ZNF721: variants seen among roughly 807,000 people sequenced by gnomAD.
ZNF721 encodes the protein zinc finger protein 721.
A neutral mutation model predicts 2.4 loss-of-function variants in ZNF721; 2 were observed. That is an observed-to-expected ratio of 0.82 (90% CI 0.34 to 2.58). The LOEUF (loss-of-function observed/expected upper bound fraction) is 2.58, where lower values mean the gene tolerates loss of function less well. Ranked by LOEUF, ZNF721 falls within the 30% of genes most tolerant of loss-of-function variation. ZNF721 has a pLI of 0.11. For missense variants in ZNF721, 1,187 were observed against 1,085.5 expected, an observed-to-expected ratio of 1.09 and a Z score of -1.31; for synonymous variants, 398 against 381.8, an observed-to-expected ratio of 1.04 and a Z score of -0.50.
At chr4:445,637 C>G (rs1371950941) in intron 2 of ZNF721, among the ~76,000 whole-genome samples, 3 of 151,556 alleles carry the variant, frequency 2.0e-5, no homozygotes, top group Non-Finnish European at 4.4e-5. Context: ...TAAATGTAAT[C>G]AGAAAAATCA....
intron 1 of ZNF721, among the ~76,000 whole-genome samples, chr4:477,528 G>A (rs1353245676): frequency 2.0e-5 from 3 of 152,066 alleles, no homozygotes; most frequent in Non-Finnish European, 2.9e-5. Context: ...ATGAGCCACC[G>A]TGCCCGGCGC....
At chr4:472,227 G>GT (rs1427733536) in intron 2 of ZNF721, among the ~76,000 whole-genome samples, 3 of 152,036 alleles carry the variant, frequency 2.0e-5, no homozygotes, top group Non-Finnish European at 4.4e-5. Flanking sequence ...TGCCCAGCTA[G>GT]TTTTTTGTAT....
chr4:474,648 G>T (rs1242451502), intron 1 of ZNF721, among the ~76,000 whole-genome samples: 1 of 152,180 alleles, frequency 6.6e-6, no homozygotes, highest in Non-Finnish European at 1.5e-5. Flanking sequence ...AGGCCGAGGT[G>T]GGGGGATCAC....
chr4:442,860 T>C lies in ZNF721; in HGVS notation c.1607A>G (p.Lys536Arg). Residue 536 changes from lysine to arginine, a missense_variant, in exon 3 of 3, where the codon AAA becomes AGA. Lys to Arg is a conservative substitution (Grantham distance 26). Coordinates refer to ENST00000511833, the MANE Select transcript of ZNF721 (RefSeq NM_133474.4). ...EKPYTCEVCG[K>R]AFRQSAILYV... ...AAGGATTGCGGACTGTCTAAAGGCT[T>C]TGCCACATACTTCACATGTGTAGGG... 1 of 1,613,900 alleles carries C rather than the reference T, an allele frequency of 6.2e-7. No homozygotes were observed.
At chr4:447,997 A>G (rs1286546998) in intron 2 of ZNF721, among the ~76,000 whole-genome samples, 1 of 152,216 alleles carries the variant, frequency 6.6e-6, no homozygotes, top group Middle Eastern at 3.2e-3. Context: ...TTCTATAAAG[A>G]ATAATGAAAC....
intron 1 of ZNF721, among the ~76,000 whole-genome samples, chr4:479,282 C>T (rs1715715355): frequency 6.6e-6 from 1 of 152,136 alleles, no homozygotes; most frequent in South Asian, 2.1e-4. Context: ...ATTGGATCTT[C>T]TGACTTCCTT....
chr4:481,575 CTTTTT>C (rs77613258), intron 1 of ZNF721, among the ~76,000 whole-genome samples: 1 of 142,834 alleles, frequency 7.0e-6, no homozygotes, highest in African/African-American at 2.6e-5. Flanking sequence ...TCTTTTCTTT[CTTTTT>C]TTTTTTTTTT....
At chr4:490,895 A>T (rs1716003605) in intron 1 of ZNF721, among the ~76,000 whole-genome samples, 1 of 151,474 alleles carries the variant, frequency 6.6e-6, no homozygotes, top group Non-Finnish European at 1.5e-5. Flanking sequence ...TGGAGGTTGC[A>T]GTGAGCCAAG....
chr4:450,033 G>C (rs1714601027), intron 2 of ZNF721, among the ~76,000 whole-genome samples: 1 of 152,178 alleles, frequency 6.6e-6, no homozygotes, highest in African/African-American at 2.4e-5. Flanking sequence ...TTTTAACACT[G>C]TTTCTTTGAC....
rs200903099 is a variant in ZNF721 at position 498,729 on chromosome 4, T to TTC, written c.-94+326_-94+327insGA. Among the ~76,000 whole-genome samples, 1,314 of 148,172 alleles carry TTC rather than the reference T, an allele frequency of 8.9e-3. 18 individuals carry two copies. The highest frequency in any genetic ancestry group is 0.031 in the African/African-American group (1,249 of 40,330). ...CTGAGGTATTGGGTTGAATTTTCTT[T>TTC]TTTTTTTTTTTTTTGAGACGCAGTC... On this transcript the variant is annotated intron_variant, in intron 1 of 2. Coordinates refer to ENST00000511833, the MANE Select transcript of ZNF721 (RefSeq NM_133474.4).
chr4:460,707 C>G (rs1366215529), intron 2 of ZNF721, among the ~76,000 whole-genome samples: 2 of 149,934 alleles, frequency 1.3e-5, no homozygotes, highest in Admixed American at 1.3e-4. Context: ...ACTAGCAACA[C>G]TACCAAAGAA....
intron 2 of ZNF721, 146 bp from the exon 3 acceptor site, chr4:444,578 A>T (rs1714409985): frequency 1.2e-6 from 1 of 857,494 alleles, no homozygotes. Context: ...ACATGTAACA[A>T]ACATATGGTG....
At chr4:497,855 G>A (rs1255588292) in intron 1 of ZNF721, among the ~76,000 whole-genome samples, 1 of 151,612 alleles carries the variant, frequency 6.6e-6, no homozygotes, top group Non-Finnish European at 1.5e-5. Flanking sequence ...CGGAGATGGT[G>A]CCACTGCACT....
At chr4:467,331 CTT>C (rs1389889923) in intron 2 of ZNF721, among the ~76,000 whole-genome samples, 2 of 152,086 alleles carry the variant, frequency 1.3e-5, no homozygotes, top group Non-Finnish European at 2.9e-5. Flanking sequence ...AAGGATAAAT[CTT>C]AAAGCCATTA....
intron 1 of ZNF721, among the ~76,000 whole-genome samples, chr4:497,732 C>CCAAA (rs1553872716): frequency 0.036 from 4,476 of 123,920 alleles, 108 homozygotes; most frequent in Non-Finnish European, 0.055. Context: ...CTAAAAAATA[C>CCAAA]AAAAAAAAAA....
rs2108686295 is a variant in ZNF721 at position 440,869 on chromosome 4, T to C, written c.*826A>G. 6.6e-6 allele frequency: 1 copy of C among 152,404 alleles called. No homozygotes were observed. The highest frequency in any genetic ancestry group is 2.4e-5 in the African/African-American group (1 of 41,588). 9.4% of individuals were successfully genotyped at this position (152,404 alleles called of 1,614,324 possible). A position where few individuals can be genotyped will look rare whatever the true frequency, so the allele number is the denominator to read the frequency against. On this transcript the variant is annotated 3_prime_UTR_variant, in exon 3 of 3. Transcript: ENST00000511833. ...TTAGTACAGACGAGGTTTCTCCATATTGGTCAGGCTGTCCTTGAACTCCCG... is the reference window on the plus strand; with the variant it reads ...TTAGTACAGACGAGGTTTCTCCATACTGGTCAGGCTGTCCTTGAACTCCCG...
At chr4:464,620 TGAAG>T (rs1553866503) in intron 2 of ZNF721, among the ~76,000 whole-genome samples, 1 of 152,104 alleles carries the variant, frequency 6.6e-6, no homozygotes. Flanking sequence ...AATAGTGTGT[TGAAG>T]GGAGTAAAAC....
At chr4:451,581 T>C (rs1714662588) in intron 2 of ZNF721, among the ~76,000 whole-genome samples, 1 of 152,228 alleles carries the variant, frequency 6.6e-6, no homozygotes, top group Non-Finnish European at 1.5e-5. Flanking sequence ...AATGTAAATA[T>C]ATATACCCTT....
At chr4:452,003 G>A (rs782514291) in intron 2 of ZNF721, among the ~76,000 whole-genome samples, 3 of 152,226 alleles carry the variant, frequency 2.0e-5, no homozygotes, top group Admixed American at 6.5e-5. Context: ...TAATTTCCCG[G>A]TATAGATGGT....
Sources: gnomAD v4.1 joint callset for allele counts (sites outside exome capture counted in the v4.1 genomes callset) on GRCh38, gnomAD v4.1.1 for gene constraint, MANE v1.5 for transcripts, NCBI Gene and HGNC (gene_info 2026-07-23, HGNC 2026-07-21) for gene names.